Variants in USP46 observed in about 807,000 individuals in gnomAD.
USP46 encodes ubiquitin specific peptidase 46.
USP46 carries 12 observed loss-of-function variants against 44.4 expected under a neutral mutation model. The ratio of observed to expected loss-of-function variants is 0.27; its 90% confidence interval spans 0.17 to 0.44. USP46 has a LOEUF of 0.44. Ranked by LOEUF, USP46 falls within the 20% of genes least tolerant of loss-of-function variation. USP46 has a pLI of 1.00. For synonymous variants in USP46, 155 were observed against 161.5 expected (o/e 0.96, Z 0.31); for missense variants, 248 against 444.8 (o/e 0.56, Z 3.98).
At chr4:52,622,486 A>G (rs1262185507) in intron 4 of USP46, among the ~76,000 whole-genome samples, 1 of 152,104 alleles carries the variant, frequency 6.6e-6, no homozygotes, top group Non-Finnish European at 1.5e-5. Flanking sequence ...AAGAAACATG[A>G]CAAACATTTT....
intron 5 of USP46, among the ~76,000 whole-genome samples, chr4:52,608,597 G>A (rs61704546): frequency 0.023 from 3,520 of 152,266 alleles, 112 homozygotes; most frequent in African/African-American, 0.075. Flanking sequence ...CTGGCTGCTC[G>A]ATAGAATCAT....
intron 4 of USP46, among the ~76,000 whole-genome samples, chr4:52,613,698 G>T (rs1717019188): frequency 6.6e-6 from 1 of 150,418 alleles, no homozygotes; most frequent in Admixed American, 6.6e-5. Context: ...CTCTAGCCTG[G>T]GTGACAGAGC....
At chr4:52,632,234 C>T (rs753688159) in intron 1 of USP46, among the ~76,000 whole-genome samples, 1 of 152,144 alleles carries the variant, frequency 6.6e-6, no homozygotes, top group Non-Finnish European at 1.5e-5. Context: ...AAATGCTGTG[C>T]AGAGCAATTC....
rs982043135 is a variant in USP46 at position 52,591,569 on chromosome 4, T to C, written c.*6071A>G. ...GAGTACGATCCCAAGGTTGTTAATA[T>C]ATAGTTTATTATAATCATGTGGGAA... On this transcript the variant is annotated 3_prime_UTR_variant, in exon 9 of 9. Coordinates refer to ENST00000441222, the MANE Select transcript of USP46 (RefSeq NM_022832.4). The C allele has an allele frequency of 1.3e-5, 2 of 152,234 alleles. No homozygotes were observed. Among genetic ancestry groups the C allele is most frequent in the African/African-American group, 2.4e-5 (1 of 41,460 alleles). 9.4% of individuals were successfully genotyped at this position (152,234 alleles called of 1,614,324 possible).
intron 1 of USP46, among the ~76,000 whole-genome samples, chr4:52,657,283 C>T: frequency 6.6e-6 from 1 of 152,156 alleles, no homozygotes; most frequent in East Asian, 1.9e-4. Flanking sequence ...CCTCCCCACA[C>T]CCTGTCTCCC....
rs374004581 is a variant in USP46, at chr4:52,593,192, G to C, written c.*4448C>G. On this transcript the variant is annotated 3_prime_UTR_variant, in exon 9 of 9. Transcript: ENST00000441222. ...AATAAAAAGAGAGGAAAGGAAATTT[G>C]AAGAAATGGGAAAATACATTCTCTA... 1.1e-5 allele frequency: 4 copies of C among 361,380 alleles called. No individual in the cohort carries two copies. Among genetic ancestry groups the C allele is most frequent in the Admixed American group, 4.6e-5 (1 of 21,582 alleles). The allele number at this position is 361,380 out of a possible 1,614,324, so 22.4% of individuals were successfully genotyped here. A position where few individuals can be genotyped will look rare whatever the true frequency, so the allele number is the denominator to read the frequency against.
At chr4:52,599,573 T>C (rs1037090738) in intron 7 of USP46, among the ~76,000 whole-genome samples, 4 of 152,062 alleles carry the variant, frequency 2.6e-5, no homozygotes, top group African/African-American at 9.7e-5. Flanking sequence ...TAAACCAATA[T>C]GCATAGTAAC....
chr4:52,640,175 G>C (rs943601708), intron 1 of USP46, among the ~76,000 whole-genome samples: 2 of 152,116 alleles, frequency 1.3e-5, no homozygotes, highest in Non-Finnish European at 2.9e-5. Flanking sequence ...GTACTGCTAT[G>C]AAAATTTGCC....
chr4:52,638,793 T>C (rs1441635828), intron 1 of USP46, among the ~76,000 whole-genome samples: 1 of 152,060 alleles, frequency 6.6e-6, no homozygotes, highest in Non-Finnish European at 1.5e-5. Context: ...AATGCATGCA[T>C]GGACAGGGAT....
rs527611662 is a variant in USP46 at position 52,598,324 on chromosome 4, G to A, written c.999+304C>T. Among the ~76,000 whole-genome samples the A allele has an allele frequency of 9.2e-5, 14 of 152,160 alleles. No homozygotes were observed. The South Asian group carries it at 2.9e-3, about 32-fold the overall frequency. On this transcript the variant is annotated intron_variant, in intron 8 of 8. Transcript: ENST00000441222. ...TCTATTGTTTGCCCTGTATCAGAGG[G>A]GGCTTTAGTCATGATAAGAAACAAG...
At position 52,631,102 on chromosome 4, in the gene USP46, G is replaced by T; in HGVS notation, c.79C>A (p.Gln27Lys). 6.4e-7 allele frequency: 1 copy of T among 1,568,002 alleles called. No homozygotes were observed. Among genetic ancestry groups the T allele is most frequent in the Non-Finnish European group, 8.7e-7 (1 of 1,154,504 alleles). ...AAATAGTGTTCATTGATTGGAAACT[G>T]CTCTGGACCAATGTCTTTTTCCAGA... is the stretch of plus-strand genomic sequence containing the variant. Reference protein sequence around the residue: ...SALEKDIGPEQFPINEHYFGL... With the variant: ...SALEKDIGPEKFPINEHYFGL... The change falls in exon 2 of 9, where the codon CAG becomes AAG. Residue 27 changes from glutamine (Q) to lysine (K), a missense_variant. Physicochemically the swap from Gln to Lys is moderately conservative, Grantham distance 53. Coordinates refer to ENST00000441222, the MANE Select transcript of USP46 (RefSeq NM_022832.4).
Position 52,598,791 on chromosome 4 carries a change from T to C in USP46, c.921-85A>G, listed in dbSNP as rs556310317. Reference sequence around the variant, plus strand: ...TACTTAGCTCTTTATAAGCAGTGATTCTCTGGGAAAAAAAACTATGTCATC... The same window carrying C: ...TACTTAGCTCTTTATAAGCAGTGATCCTCTGGGAAAAAAAACTATGTCATC... On this transcript the variant is annotated intron_variant, in intron 7 of 8. Coordinates refer to ENST00000441222, the MANE Select transcript of USP46 (RefSeq NM_022832.4). 3.0e-6 allele frequency: 4 copies of C among 1,317,514 alleles called. No individual in the cohort carries two copies. The African/African-American group carries it at 4.5e-5, about 15-fold the overall frequency. The allele number at this position is 1,317,514 out of a possible 1,614,324, so 81.6% of individuals were successfully genotyped here.
chr4:52,599,099 T>A (rs549833335), intron 7 of USP46, among the ~76,000 whole-genome samples: 2 of 152,206 alleles, frequency 1.3e-5, no homozygotes, highest in African/African-American at 4.8e-5. Flanking sequence ...ACTAAACTTA[T>A]AAATGTATGT....
intron 4 of USP46, among the ~76,000 whole-genome samples, chr4:52,617,976 C>A (rs564901327): frequency 6.6e-6 from 1 of 152,144 alleles, no homozygotes; most frequent in African/African-American, 2.4e-5. Flanking sequence ...CATAAAGAGA[C>A]CTCATTTAAT....
chr4:52,641,364 A>G (rs1252919652), intron 1 of USP46, among the ~76,000 whole-genome samples: 3 of 152,206 alleles, frequency 2.0e-5, no homozygotes, highest in African/African-American at 7.2e-5. Context: ...CAACAAGACT[A>G]TAATGTTAGC....
rs1716070804 is a variant in USP46 at position 52,592,746 on chromosome 4, G to T, written c.*4894C>A. Reference sequence around the variant, plus strand: ...CCCAGCTACTTGGGAGGCTGAGGCAGAAGAATCGCTTGAACTCGGGAGGCA... The same window carrying T: ...CCCAGCTACTTGGGAGGCTGAGGCATAAGAATCGCTTGAACTCGGGAGGCA... On this transcript the variant is annotated 3_prime_UTR_variant, in exon 9 of 9. Coordinates refer to ENST00000441222, the MANE Select transcript of USP46 (RefSeq NM_022832.4). 2.5e-6 allele frequency: 1 copy of T among 396,672 alleles called. No homozygotes were observed. The highest frequency in any genetic ancestry group is 4.4e-6 in the Non-Finnish European group (1 of 225,336). 24.6% of individuals were successfully genotyped at this position (396,672 alleles called of 1,614,324 possible). A position where few individuals can be genotyped will look rare whatever the true frequency, so the allele number is the denominator to read the frequency against.
chr4:52,646,311 T>G (rs1400356367), intron 1 of USP46, among the ~76,000 whole-genome samples: 1 of 152,188 alleles, frequency 6.6e-6, no homozygotes, highest in Non-Finnish European at 1.5e-5. Context: ...GGGTCAGTAT[T>G]GCACCATCAG....
intron 1 of USP46, among the ~76,000 whole-genome samples, chr4:52,650,688 T>C: frequency 6.6e-6 from 1 of 152,316 alleles, no homozygotes; most frequent in East Asian, 1.9e-4. Context: ...GTGATTTAAT[T>C]ATTATTTTTA....
intron 1 of USP46, among the ~76,000 whole-genome samples, chr4:52,658,711 T>A (rs1260200240): frequency 6.6e-6 from 1 of 152,204 alleles, no homozygotes; most frequent in Non-Finnish European, 1.5e-5. Flanking sequence ...ATGAGGGCAG[T>A]CTGGACGTCC....
Sources: allele counts gnomAD v4.1 joint callset (sites outside exome capture counted in the v4.1 genomes callset), GRCh38; gene constraint gnomAD v4.1.1; transcripts MANE v1.5; gene names NCBI Gene and HGNC (gene_info 2026-07-23, HGNC 2026-07-21).